Variants in ARNT2 observed in about 807,000 individuals in gnomAD.
ARNT2 encodes the protein ARNT protein 2.
Under a neutral mutation model 91.7 loss-of-function variants are expected in ARNT2, and 36 were observed. The observed-to-expected ratio is 0.39, with a 90% confidence interval of 0.30 to 0.52. The LOEUF is 0.52. Among genes scored for constraint, ARNT2 ranks in the 20% least tolerant of loss-of-function variants. The pLI, the probability that ARNT2 is intolerant of heterozygous loss-of-function variation, is 0.72. For missense variants in ARNT2, 775 were observed against 939.3 expected (o/e 0.83, Z 2.29); for synonymous variants, 365 against 347.1 (o/e 1.05, Z -0.57).
chr15:80,577,675 A>G (rs1454088287), intron 15 of ARNT2, among the ~76,000 whole-genome samples: 2 of 152,230 alleles, frequency 1.3e-5, no homozygotes, highest in Admixed American at 6.5e-5. Flanking sequence ...CCAGACCCTA[A>G]GCAGAGCTTC....
At chr15:80,420,101 A>C (rs1049502067) in intron 1 of ARNT2, among the ~76,000 whole-genome samples, 3 of 152,072 alleles carry the variant, frequency 2.0e-5, no homozygotes, top group African/African-American at 7.2e-5. Flanking sequence ...ACCAGAACCC[A>C]CATTCTGGAT....
chr15:80,474,343 G>A (rs926905624), intron 4 of ARNT2, among the ~76,000 whole-genome samples: 5 of 152,112 alleles, frequency 3.3e-5, no homozygotes, highest in Non-Finnish European at 7.4e-5. Context: ...AAAGTGATAT[G>A]GATAATGCTG....
chr15:80,475,282 T>C lies in ARNT2; in HGVS notation c.622+59T>C, dbSNP rs1896784845. 3.2e-6 allele frequency: 5 copies of C among 1,576,608 alleles called. No homozygotes were observed. In the East Asian group the frequency reaches 1.1e-4, roughly 35 times the overall value. Reference sequence around the variant, plus strand: ...TCTAGAAAACATTCTTGGCTGGGCATGGTGGCTCACGCCTGTAATCCCAGT... The same window carrying C: ...TCTAGAAAACATTCTTGGCTGGGCACGGTGGCTCACGCCTGTAATCCCAGT... On this transcript the variant is annotated intron_variant, in intron 5 of 18. Coordinates refer to ENST00000303329, the MANE Select transcript of ARNT2 (RefSeq NM_014862.4).
At position 80,479,188 on chromosome 15, in the gene ARNT2, G is replaced by T. The variant is rs546235723; in HGVS notation, c.622+3965G>T. 2.0e-5 allele frequency among the ~76,000 whole-genome samples: 3 copies of T among 152,318 alleles called. No individual in the cohort carries two copies. The East Asian group carries it at 5.8e-4, about 29-fold the overall frequency. On this transcript the variant is annotated intron_variant, in intron 5 of 18. Transcript: ENST00000303329. ...GGGGACAAGAAACCTGACTTCACTG[G>T]GGCCTGCAGACTCCCATGTTGGCTC...
intron 5 of ARNT2, among the ~76,000 whole-genome samples, chr15:80,506,618 A>G (rs984968928): frequency 4.6e-5 from 7 of 152,214 alleles, no homozygotes; most frequent in Non-Finnish European, 1.0e-4. Flanking sequence ...TTAGGCCTAG[A>G]CAGGCAGAGG....
At chr15:80,558,182 T>C (rs559658971) in intron 11 of ARNT2, among the ~76,000 whole-genome samples, 3 of 152,260 alleles carry the variant, frequency 2.0e-5, no homozygotes, top group African/African-American at 7.2e-5. Flanking sequence ...GTGGTCACCC[T>C]AGCTAAGAAA....
At chr15:80,554,534 A>G (rs903897530) in intron 10 of ARNT2, 1 of 153,158 alleles carries the variant, frequency 6.5e-6, no homozygotes, top group African/African-American at 2.4e-5. Flanking sequence ...TGTGAAACAC[A>G]CTTTTGTTTT....
intron 15 of ARNT2, 24 bp downstream of exon 15, chr15:80,576,989 T>C (rs1898688513): frequency 1.2e-6 from 2 of 1,609,920 alleles, no homozygotes; most frequent in African/African-American, 1.3e-5. Flanking sequence ...AGGGGGACAA[T>C]GGCGTGGGAA....
intron 15 of ARNT2, among the ~76,000 whole-genome samples, chr15:80,577,693 A>G (rs372291360): frequency 6.6e-6 from 1 of 152,248 alleles, no homozygotes; most frequent in Admixed American, 6.5e-5. Context: ...TTCCAGATGC[A>G]GAGGCCAGGA....
In ARNT2 at chr15:80,597,328, C is replaced by T. The variant is rs1893390319; in HGVS notation, c.*3630C>T. 2 of 518,628 alleles carry T rather than the reference C, an allele frequency of 3.9e-6. No homozygotes were observed. Among genetic ancestry groups the T allele is most frequent in the East Asian group, 1.1e-4 (2 of 18,346 alleles). The allele number at this position is 518,628 out of a possible 1,614,324, so 32.1% of individuals were successfully genotyped here. ...AACAGGAAGAAGCCAGTGACCGGAA[C>T]AGCTCTAGGAATAACAAGTCAGAAT... is the stretch of plus-strand genomic sequence containing the variant. On this transcript the variant is annotated 3_prime_UTR_variant, in exon 19 of 19. Coordinates refer to ENST00000303329, the MANE Select transcript of ARNT2 (RefSeq NM_014862.4).
At chr15:80,447,968 G>T (rs2141378611) in intron 1 of ARNT2, among the ~76,000 whole-genome samples, 1 of 152,292 alleles carries the variant, frequency 6.6e-6, no homozygotes, top group Non-Finnish European at 1.5e-5. Context: ...AACAGAAACA[G>T]TGTCTGTCTT....
At position 80,593,874 on chromosome 15, in the gene ARNT2, G is replaced by A. The variant is rs773401946; in HGVS notation, c.*176G>A. On this transcript the variant is annotated 3_prime_UTR_variant, in exon 19 of 19. Coordinates refer to ENST00000303329, the MANE Select transcript of ARNT2 (RefSeq NM_014862.4). Reference sequence around the variant, plus strand: ...TTGCTCCACTCTCCCCTGCAGCCGCGGCTGCTCGGCCACTGACCAGGGGCC... The same window carrying A: ...TTGCTCCACTCTCCCCTGCAGCCGCAGCTGCTCGGCCACTGACCAGGGGCC... 10 of 603,496 alleles carry A rather than the reference G, an allele frequency of 1.7e-5. No individual in the cohort carries two copies. Among genetic ancestry groups the A allele is most frequent in the East Asian group, 5.6e-5 (2 of 35,794 alleles). 37.4% of individuals were successfully genotyped at this position (603,496 alleles called of 1,614,324 possible).
intron 4 of ARNT2, 145 bp from the exon 5 acceptor site, chr15:80,474,865 G>A (rs1896777342): frequency 1.1e-6 from 1 of 878,542 alleles, no homozygotes; most frequent in South Asian, 1.6e-5. Flanking sequence ...TTATTTTCCA[G>A]AAACAAAGTT....
At chr15:80,407,493 C>G (rs1895617586) in intron 1 of ARNT2, among the ~76,000 whole-genome samples, 1 of 152,178 alleles carries the variant, frequency 6.6e-6, no homozygotes, top group African/African-American at 2.4e-5. Context: ...GGATTGGGCT[C>G]CCAGATATTC....
intron 8 of ARNT2, among the ~76,000 whole-genome samples, chr15:80,515,963 G>A (rs975647484): frequency 6.0e-5 from 9 of 149,602 alleles, no homozygotes; most frequent in South Asian, 2.1e-4. Context: ...TCCACCTCCC[G>A]GGTTCAAGCG....
rs933895517 is a variant in ARNT2 at position 80,524,860 on chromosome 15, G to A, written c.877+10455G>A. Among the ~76,000 whole-genome samples, 15 of 149,344 alleles carry A rather than the reference G, an allele frequency of 1.0e-4. 2 individuals are homozygous for A. Among genetic ancestry groups the A allele is most frequent in the Admixed American group, 2.0e-4 (3 of 15,002 alleles). On this transcript the variant is annotated intron_variant, in intron 8 of 18. Transcript: ENST00000303329. ...ATTGCACTCCAGCCTGGGCGACAGA[G>A]CCAGACTCTGTCTCAAAAAAAAAAA...
chr15:80,483,646 A>G (rs968383386), intron 5 of ARNT2, among the ~76,000 whole-genome samples: 1 of 152,216 alleles, frequency 6.6e-6, no homozygotes, highest in African/African-American at 2.4e-5. Flanking sequence ...AGCAGGCGGC[A>G]TCCTCCACTG....
intron 17 of ARNT2, among the ~76,000 whole-genome samples, chr15:80,583,035 C>T (rs1461474227): frequency 6.6e-6 from 1 of 152,214 alleles, no homozygotes; most frequent in African/African-American, 2.4e-5. Flanking sequence ...TCAAAAAAAC[C>T]TTCAGTGCCA....
At chr15:80,507,394 A>G (rs1897290188) in intron 5 of ARNT2, among the ~76,000 whole-genome samples, 1 of 152,046 alleles carries the variant, frequency 6.6e-6, no homozygotes. Flanking sequence ...ACTCGGGGAT[A>G]ATGTCTGGTT....
Sources: allele counts gnomAD v4.1 joint callset (sites outside exome capture counted in the v4.1 genomes callset), GRCh38; gene constraint gnomAD v4.1.1; transcripts MANE v1.5; gene names NCBI Gene and HGNC (gene_info 2026-07-23, HGNC 2026-07-21).